The following DROSHA variants were observed in gnomAD, a reference collection of about 807,000 sequenced individuals.
DROSHA encodes drosha ribonuclease III, also known as ribonuclease 3.
In DROSHA, 56 loss-of-function variants were observed where a neutral mutation model predicts 181.9. That is an observed-to-expected ratio of 0.31 (90% confidence interval 0.25 to 0.38). The LOEUF (loss-of-function observed/expected upper bound fraction) is 0.38, where lower values mean the gene tolerates loss of function less well. Among genes scored for constraint, DROSHA ranks in the 10% least tolerant of loss-of-function variants. The pLI is 1.00. For synonymous variants in DROSHA, 524 were observed against 591.2 expected (o/e 0.89, Z 1.65); for missense variants, 1,218 against 1,743.5 (o/e 0.70, Z 5.37).
chr5:31,488,674 T>C (rs1188291594), intron 13 of DROSHA, among the ~76,000 whole-genome samples: 2 of 152,160 alleles, frequency 1.3e-5, no homozygotes, highest in Admixed American at 6.5e-5. Flanking sequence ...CGAGAAATCA[T>C]TCAAGTACTT....
At chr5:31,485,589 T>A (rs1751629617) in intron 14 of DROSHA, among the ~76,000 whole-genome samples, 1 of 145,074 alleles carries the variant, frequency 6.9e-6, no homozygotes, top group Non-Finnish European at 1.5e-5. Flanking sequence ...CATAAACTTT[T>A]ACAATAGCAA....
In DROSHA at chr5:31,514,898, C is replaced by T. The variant is rs1739107362; in HGVS notation, c.1290+90G>A. ...CATCCTACAATGCATAGGGCAGTCC[C>T]CACAATCAAGAATTTATCCAGCCCC... On this transcript the variant is annotated intron_variant, in intron 8 of 35. Coordinates refer to ENST00000344624, the MANE Select transcript of DROSHA (RefSeq NM_001382508.1). The surrounding 1 kb of genome is among the most constrained non-coding windows in gnomAD (Gnocchi z 4.4). The T allele has an allele frequency of 7.9e-7, 1 of 1,259,980 alleles. No homozygotes were observed. Among genetic ancestry groups the T allele is most frequent in the Non-Finnish European group, 1.1e-6 (1 of 893,996 alleles). 78.1% of individuals were successfully genotyped at this position (1,259,980 alleles called of 1,614,324 possible). A position where few individuals can be genotyped will look rare whatever the true frequency, so the allele number is the denominator to read the frequency against.
At chr5:31,525,673 T>C (rs189365259) in intron 5 of DROSHA, among the ~76,000 whole-genome samples, 1 of 152,198 alleles carries the variant, frequency 6.6e-6, no homozygotes, top group Non-Finnish European at 1.5e-5. Flanking sequence ...TTTGATTCTT[T>C]ATTAACACGC....
intron 23 of DROSHA, among the ~76,000 whole-genome samples, chr5:31,439,653 A>T (rs1260108441): frequency 1.3e-5 from 2 of 152,176 alleles, no homozygotes; most frequent in Non-Finnish European, 2.9e-5. Flanking sequence ...ACGTATGTGT[A>T]GGAAAAAACA....
At chr5:31,444,653 G>A (rs1350987808) in intron 23 of DROSHA, among the ~76,000 whole-genome samples, 1 of 152,190 alleles carries the variant, frequency 6.6e-6, no homozygotes, top group Non-Finnish European at 1.5e-5. Flanking sequence ...AGCCATGTTA[G>A]AGGGCTATGG....
At chr5:31,498,161 C>T (rs1411639845) in intron 11 of DROSHA, among the ~76,000 whole-genome samples, 1 of 152,200 alleles carries the variant, frequency 6.6e-6, no homozygotes, top group Non-Finnish European at 1.5e-5. Context: ...AGGTTGTAGA[C>T]TGCTGACACA....
rs562013789 is a variant in DROSHA at position 31,448,152 on chromosome 5, T to C, written c.2882+395A>G. Among the ~76,000 whole-genome samples the C allele has an allele frequency of 2.7e-3, 416 of 152,324 alleles. 3 individuals carry two copies. Among genetic ancestry groups the C allele is most frequent in the African/African-American group, 9.6e-3 (400 of 41,572 alleles). On this transcript the variant is annotated intron_variant, in intron 23 of 35. Coordinates refer to ENST00000344624, the MANE Select transcript of DROSHA (RefSeq NM_001382508.1). The stretch of plus-strand genomic sequence containing the variant: ...CATAAAATATGATATGCCCATATCA[T>C]GGAATATTATTTAGCAATAAAAACA...
At chr5:31,410,313 T>C (rs1741157321) in intron 31 of DROSHA, among the ~76,000 whole-genome samples, 1 of 152,236 alleles carries the variant, frequency 6.6e-6, no homozygotes, top group Admixed American at 6.5e-5. Context: ...AAAGACGACA[T>C]TTGTCCGCAG....
intron 19 of DROSHA, among the ~76,000 whole-genome samples, chr5:31,465,540 G>T (rs1315609204): frequency 3.9e-5 from 6 of 152,192 alleles, no homozygotes; most frequent in Non-Finnish European, 7.3e-5. Flanking sequence ...TTGATTCCCA[G>T]TGGTAATAAT....
At chr5:31,504,724 T>C (rs929461701) in intron 10 of DROSHA, 89 bp from the exon 11 acceptor site, 5 of 1,361,164 alleles carry the variant, frequency 3.7e-6, no homozygotes, top group Non-Finnish European at 5.2e-6. Flanking sequence ...TGGGTTTTAA[T>C]GTCATGAGCG....
intron 20 of DROSHA, among the ~76,000 whole-genome samples, chr5:31,461,961 C>A (rs1748457997): frequency 1.3e-5 from 2 of 152,060 alleles, no homozygotes; most frequent in Admixed American, 6.6e-5. Context: ...GTTCATCTAA[C>A]CTTGACAGCT....
intron 30 of DROSHA, among the ~76,000 whole-genome samples, chr5:31,420,719 CCTAA>C (rs72552344): frequency 0.11 from 16,992 of 152,162 alleles, 1,308 homozygotes; most frequent in Non-Finnish European, 0.17. Context: ...ATGGCTAAAT[CCTAA>C]CTATCTTTAA....
Position 31,400,681 on chromosome 5 carries a change from A to T in DROSHA, c.*751T>A, listed in dbSNP as rs2149980571. 6.6e-6 allele frequency: 1 copy of T among 152,310 alleles called. No individual in the cohort carries two copies. The highest frequency in any genetic ancestry group is 1.9e-4 in the East Asian group (1 of 5,192). 9.4% of individuals were successfully genotyped at this position (152,310 alleles called of 1,614,324 possible). A position where few individuals can be genotyped will look rare whatever the true frequency, so the allele number is the denominator to read the frequency against. ...CTCCCCATGCCCTCTCAAATCTCAAACACACACAGAAAATTGAATATAGTA... is the reference window on the plus strand; with the variant it reads ...CTCCCCATGCCCTCTCAAATCTCAATCACACACAGAAAATTGAATATAGTA... On this transcript the variant is annotated 3_prime_UTR_variant, in exon 36 of 36. Transcript: ENST00000344624.
At chr5:31,421,881 A>AT (rs1481940829) in intron 29 of DROSHA, 1 of 93,340 alleles carries the variant, frequency 1.1e-5, no homozygotes, top group Non-Finnish European at 2.2e-5. Flanking sequence ...CAAAAAAAAA[A>AT]AAAAAAAAAA....
At chr5:31,427,195 T>C (rs946269455) in intron 27 of DROSHA, among the ~76,000 whole-genome samples, 1 of 151,944 alleles carries the variant, frequency 6.6e-6, no homozygotes, top group Non-Finnish European at 1.5e-5. Flanking sequence ...GAGTCAGAGG[T>C]ACTGGGACAG....
Position 31,412,419 on chromosome 5 carries a change from G to A in DROSHA, c.3526-1532C>T, listed in dbSNP as rs556951303. On this transcript the variant is annotated intron_variant, in intron 30 of 35. Transcript: ENST00000344624. ...GGTATTCCACTCCCTGCTGTTCCAT[G>A]TTGCACTTTCTTTATTAGATGCAAG... Among the ~76,000 whole-genome samples, 16 of 152,294 alleles carry A rather than the reference G, an allele frequency of 1.1e-4. No individual in the cohort carries two copies. In the South Asian group the frequency reaches 2.1e-3, roughly 20 times the overall value.
At chr5:31,476,162 C>T (rs372092179) in intron 16 of DROSHA, among the ~76,000 whole-genome samples, 8 of 152,100 alleles carry the variant, frequency 5.3e-5, no homozygotes, top group Non-Finnish European at 7.4e-5. Context: ...GTCAGGAGTT[C>T]GAGACCACCC....
intron 23 of DROSHA, among the ~76,000 whole-genome samples, chr5:31,445,431 C>A (rs899356687): frequency 2.6e-5 from 4 of 152,122 alleles, no homozygotes; most frequent in Non-Finnish European, 5.9e-5. Context: ...AGCTAACGTA[C>A]AAAACTTTCC....
chr5:31,418,299 C>T (rs1214047394), intron 30 of DROSHA, among the ~76,000 whole-genome samples: 1 of 149,524 alleles, frequency 6.7e-6, no homozygotes, highest in Non-Finnish European at 1.5e-5. Flanking sequence ...GAGAGAGAGA[C>T]AGAGAGAGGA....
Sources: gnomAD v4.1 joint callset for allele counts (sites outside exome capture counted in the v4.1 genomes callset) on GRCh38, gnomAD v4.1.1 for gene constraint, Gnocchi (gnomAD v3.1) non-coding constraint, MANE v1.5 for transcripts, NCBI Gene and HGNC (gene_info 2026-07-23, HGNC 2026-07-21) for gene names.